The following GLUD1 variants were observed in gnomAD, a reference collection of about 807,000 sequenced individuals.
GLUD1 encodes the protein glutamate dehydrogenase 1.
Under a neutral mutation model 56.0 loss-of-function variants are expected in GLUD1, and 22 were observed. That is an observed-to-expected ratio of 0.39 (90% CI 0.28 to 0.56). GLUD1 has a LOEUF of 0.56. Among genes scored for constraint, GLUD1 ranks in the 20% least tolerant of loss-of-function variants. The probability of loss-of-function intolerance (pLI) is 0.58; values close to 1 mark genes in which losing one functional copy is unlikely to be tolerated. For missense variants in GLUD1, 451 were observed against 732.0 expected (o/e 0.62, Z 4.43); for synonymous variants, 223 against 269.9 (o/e 0.83, Z 1.70).
chr10:87,080,640 G>A (rs1244001519), intron 1 of GLUD1, among the ~76,000 whole-genome samples: 14 of 151,246 alleles, frequency 9.3e-5, no homozygotes, highest in Middle Eastern at 3.4e-3. Flanking sequence ...ACCCCGTCTG[G>A]GAGGTGAGGA....
At chr10:87,070,168 A>G (rs375401384) in intron 4 of GLUD1, among the ~76,000 whole-genome samples, 2 of 152,220 alleles carry the variant, frequency 1.3e-5, no homozygotes, top group South Asian at 4.1e-4. Context: ...AACAATTCCA[A>G]CTAGGCCGGG....
chr10:87,083,568 GA>G (rs1841311667), intron 1 of GLUD1, among the ~76,000 whole-genome samples: 1 of 152,220 alleles, frequency 6.6e-6, no homozygotes, highest in African/African-American at 2.4e-5. Flanking sequence ...CTTCAGCAGA[GA>G]AGGCTGAAGG....
intron 11 of GLUD1, 139 bp from the exon 12 acceptor site, chr10:87,053,543 C>T: frequency 1.4e-6 from 1 of 705,886 alleles, no homozygotes. Flanking sequence ...GTCATTTCTG[C>T]ACAGTATCAA....
intron 4 of GLUD1, among the ~76,000 whole-genome samples, chr10:87,074,211 T>G (rs1846319611): frequency 6.6e-6 from 1 of 152,106 alleles, no homozygotes; most frequent in African/African-American, 2.4e-5. Context: ...CTATAACAAA[T>G]AGTAGGAGGC....
At chr10:87,056,991 A>AGGGGGGTGGCGGCGGC in intron 11 of GLUD1, among the ~76,000 whole-genome samples, 1 of 138,230 alleles carries the variant, frequency 7.2e-6, no homozygotes, top group East Asian at 2.5e-4. Flanking sequence ...TGGCGGGGGG[A>AGGGGGGTGGCGGCGGC]GGGGGGTGGC....
intron 1 of GLUD1, among the ~76,000 whole-genome samples, chr10:87,077,805 G>C (rs977414150): frequency 1.3e-5 from 2 of 152,016 alleles, no homozygotes; most frequent in Non-Finnish European, 1.5e-5. Context: ...ATACCCACAA[G>C]AAGCTGCAGC....
At chr10:87,061,175 C>A (rs568143882) in intron 6 of GLUD1, 123 bp from the exon 7 acceptor site, 3 of 965,256 alleles carry the variant, frequency 3.1e-6, no homozygotes, top group Non-Finnish European at 5.1e-6. Flanking sequence ...AATTCTTTTG[C>A]CAAAAGAAAC....
chr10:87,089,418 T>C (rs572676522), intron 1 of GLUD1: 2 of 156,706 alleles, frequency 1.3e-5, no homozygotes, highest in South Asian at 2.0e-4. Flanking sequence ...GTGTATTGCA[T>C]GAGGCATAAA....
chr10:87,061,897 C>T (rs1212505033), intron 6 of GLUD1, among the ~76,000 whole-genome samples: 2 of 152,184 alleles, frequency 1.3e-5, no homozygotes, highest in African/African-American at 2.4e-5. Context: ...GATTCTCCTG[C>T]GTCAGCCTCC....
At chr10:87,068,411 A>G (rs1923939) in intron 4 of GLUD1, among the ~76,000 whole-genome samples, 44,339 of 152,118 alleles carry the variant, frequency 0.29, 7,300 homozygotes, top group East Asian at 0.69. Flanking sequence ...AGCTATGCAC[A>G]ACAGATATAA....
rs1376358865 is a variant in GLUD1 at position 87,074,498 on chromosome 10, A to AC, written c.646+52_646+53insG. On this transcript the variant is annotated intron_variant, in intron 4 of 12. Transcript: ENST00000277865. ...GTGAGACTCCGTCTCAAAAAAAAAA[A>AC]AAAATTTTTAGATGTTCCCACTTTA... The AC allele has an allele frequency of 4.8e-6, 5 of 1,052,598 alleles. No homozygotes were observed. The East Asian group carries it at 1.2e-4, about 25-fold the overall frequency. The allele number at this position is 1,052,598 out of a possible 1,614,324, so 65.2% of individuals were successfully genotyped here. A position where few individuals can be genotyped will look rare whatever the true frequency, so the allele number is the denominator to read the frequency against.
intron 10 of GLUD1, among the ~76,000 whole-genome samples, chr10:87,058,320 T>G (rs539483104): frequency 5.8e-4 from 89 of 152,204 alleles, no homozygotes; most frequent in African/African-American, 2.1e-3. Flanking sequence ...TTGGCTCTAT[T>G]AAAAAGAAAA....
rs10655872 is a variant in GLUD1, at chr10:87,085,348, CA to C, written c.446-8693del. Among the ~76,000 whole-genome samples, 667 of 112,580 alleles carry C rather than the reference CA, an allele frequency of 5.9e-3. 4 individuals are homozygous for C. The highest frequency in any genetic ancestry group is 0.024 in the Admixed American group (271 of 11,076). The allele number at this position is 112,580 out of a possible 152,430, so 73.9% of individuals were successfully genotyped here. On this transcript the variant is annotated intron_variant, in intron 1 of 12. Transcript: ENST00000277865. Reference sequence around the variant, plus strand: ...GCGACAGAGAGTGAGACTCCGTCTCCAAAAAAAAAAAAAAAAACCAGAAAAA... The same window carrying C: ...GCGACAGAGAGTGAGACTCCGTCTCCAAAAAAAAAAAAAAAACCAGAAAAA...
At chr10:87,065,843 C>T (rs1447516827) in intron 5 of GLUD1, among the ~76,000 whole-genome samples, 5 of 152,120 alleles carry the variant, frequency 3.3e-5, no homozygotes, top group African/African-American at 9.7e-5. Flanking sequence ...TGTCATTTTG[C>T]ATAGGAGGAA....
chr10:87,078,719 C>CAAAACTGGGAATGACATG, intron 1 of GLUD1, among the ~76,000 whole-genome samples: 1 of 152,224 alleles, frequency 6.6e-6, no homozygotes, highest in South Asian at 2.1e-4. Flanking sequence ...TGAAAGGACT[C>CAAAACTGGGAATGACATG]AAAGTATACA....
intron 1 of GLUD1, among the ~76,000 whole-genome samples, chr10:87,084,986 C>A (rs142769060): frequency 6.6e-6 from 1 of 152,190 alleles, no homozygotes; most frequent in East Asian, 1.9e-4. Context: ...TGAAATACTA[C>A]GTCTCAGATA....
chr10:87,078,852 T>C (rs780685859), intron 1 of GLUD1, among the ~76,000 whole-genome samples: 1 of 152,270 alleles, frequency 6.6e-6, no homozygotes, highest in South Asian at 2.1e-4. Flanking sequence ...TAATAGATTA[T>C]ACATTTGGCC....
At chr10:87,070,040 T>C (rs1589367439) in intron 4 of GLUD1, among the ~76,000 whole-genome samples, 1 of 152,382 alleles carries the variant, frequency 6.6e-6, no homozygotes, top group East Asian at 1.9e-4. Flanking sequence ...AGCACAACTT[T>C]GTTTAACCAC....
At chr10:87,081,802 A>G (rs1389746819) in intron 1 of GLUD1, among the ~76,000 whole-genome samples, 1 of 151,500 alleles carries the variant, frequency 6.6e-6, no homozygotes. Context: ...CCAGGGACAC[A>G]AACACTGCGG....
Sources: gnomAD v4.1 joint callset for allele counts (sites outside exome capture counted in the v4.1 genomes callset) on GRCh38, gnomAD v4.1.1 for gene constraint, MANE v1.5 for transcripts, NCBI Gene and HGNC (gene_info 2026-07-23, HGNC 2026-07-21) for gene names.